CLUAP1: variants seen among roughly 807,000 people sequenced by gnomAD.
CLUAP1 encodes intraflagellar transport 38.
In CLUAP1, 50 loss-of-function variants were observed where a neutral mutation model predicts 55.0. The ratio of observed to expected loss-of-function variants is 0.91; its 90% CI spans 0.72 to 1.15. The LOEUF is 1.15. Among genes scored for constraint, CLUAP1 ranks in the 50% most tolerant of loss-of-function variants. The probability of loss-of-function intolerance (pLI) is 0.00; values close to 1 mark genes in which losing one functional copy is unlikely to be tolerated. For missense variants in CLUAP1, 530 were observed against 507.6 expected (o/e 1.04, Z -0.42); for synonymous variants, 195 against 175.4 (o/e 1.11, Z -0.88).
chr16:3,533,184 T>A, intron 11 of CLUAP1: 1 of 1,528,342 alleles, frequency 6.5e-7, no homozygotes, highest in Non-Finnish European at 8.8e-7. Flanking sequence ...CTCATGTGTT[T>A]GTGGGTGTCT....
At position 3,536,113 on chromosome 16, in the gene CLUAP1, T is replaced by C; in HGVS notation, c.1093-9T>C. 1 of 1,613,256 alleles carries C rather than the reference T, an allele frequency of 6.2e-7. No individual in the cohort carries two copies. The highest frequency in any genetic ancestry group is 8.5e-7 in the Non-Finnish European group (1 of 1,179,450). On this transcript the variant is annotated splice_polypyrimidine_tract_variant and intron_variant, in intron 11 of 11. Coordinates refer to ENST00000576634, the MANE Select transcript of CLUAP1 (RefSeq NM_015041.3). ...ATCCCCCGTTGCATCTGCCATTTTTTTCCTATAGGAGGACTCGGAGGAGAG... is the reference window on the plus strand; with the variant it reads ...ATCCCCCGTTGCATCTGCCATTTTTCTCCTATAGGAGGACTCGGAGGAGAG...
At chr16:3,525,466 C>T (rs1472639296) in intron 8 of CLUAP1, among the ~76,000 whole-genome samples, 5 of 152,108 alleles carry the variant, frequency 3.3e-5, no homozygotes, top group African/African-American at 4.8e-5. Context: ...TACCCCATGC[C>T]GGAAACACAG....
At chr16:3,519,481 G>C (rs760826914) in intron 6 of CLUAP1, among the ~76,000 whole-genome samples, 3 of 152,202 alleles carry the variant, frequency 2.0e-5, no homozygotes, top group Non-Finnish European at 2.9e-5. Flanking sequence ...AGCAGTACTT[G>C]GTGTGTGTGG....
rs2038282678 is a variant in CLUAP1, at chr16:3,538,630, G to C, written c.*2359G>C. 6.6e-6 allele frequency: 1 copy of C among 152,120 alleles called. No individual in the cohort carries two copies. Among genetic ancestry groups the C allele is most frequent in the Non-Finnish European group, 1.5e-5 (1 of 68,040 alleles). The allele number at this position is 152,120 out of a possible 1,614,324, so 9.4% of individuals were successfully genotyped here. On this transcript the variant is annotated 3_prime_UTR_variant, in exon 12 of 12. Coordinates refer to ENST00000576634, the MANE Select transcript of CLUAP1 (RefSeq NM_015041.3). ...ACAAAGAGCCTATCCACAGACATAG[G>C]CAACAGCTCCAAAGGGTATTTCATT...
Position 3,515,601 on chromosome 16 carries a change from C to G in CLUAP1, c.579+10C>G. The G allele has an allele frequency of 6.4e-7, 1 of 1,570,440 alleles. No homozygotes were observed. The highest frequency in any genetic ancestry group is 8.6e-7 in the Non-Finnish European group (1 of 1,160,068). On this transcript the variant is annotated intron_variant, in intron 6 of 11. Coordinates refer to ENST00000576634, the MANE Select transcript of CLUAP1 (RefSeq NM_015041.3). ...AATAAAAGAGATTTTGGTAAGATGA[C>G]TTTGCTTTTATATAATGTTTTTTAT...
At chr16:3,529,953 C>T (rs1473118822) in intron 9 of CLUAP1, among the ~76,000 whole-genome samples, 1 of 123,942 alleles carries the variant, frequency 8.1e-6, no homozygotes, top group African/African-American at 3.1e-5. Flanking sequence ...AATTATATAA[C>T]ATATATAATA....
In CLUAP1 at chr16:3,508,460, G is replaced by A; in HGVS notation, c.391G>A (p.Gly131Ser). The A allele has an allele frequency of 6.4e-7, 1 of 1,571,746 alleles. No homozygotes were observed. Among genetic ancestry groups the A allele is most frequent in the South Asian group, 1.2e-5 (1 of 82,876 alleles). Residue 131 changes from glycine (G) to serine (S), a missense_variant, in exon 4 of 12, where the codon GGC becomes AGC. Coordinates refer to ENST00000576634, the MANE Select transcript of CLUAP1 (RefSeq NM_015041.3). ...EDVNKFKFDL[G>S]SKIADLKAAR... ...TGTCAACAAGTTCAAGTTTGATCTT[G>A]GCTCAAAGGTAAGGACAACAAAAGC...
At chr16:3,526,646 A>G (rs1047148058) in intron 9 of CLUAP1, among the ~76,000 whole-genome samples, 162 bp downstream of exon 9, 61 of 151,778 alleles carry the variant, frequency 4.0e-4, no homozygotes, top group Non-Finnish European at 5.9e-5. Flanking sequence ...TACATCTTCA[A>G]TTTTGAAAAG....
chr16:3,504,819 G>A lies in CLUAP1; in HGVS notation c.122G>A (p.Trp41Ter), dbSNP rs1487080051. ...GGACTTGTATCTGAAGTGCTTCTCT[G>A]GCTTGTGAAAAGGTTCGAACGGCAC... ...NFGLVSEVLL[W>*]LVKRYEPQTD... Residue 41 changes from tryptophan to a stop codon, truncating the protein, a stop_gained, in exon 2 of 12, where the codon TGG becomes TAG. Coordinates refer to ENST00000576634, the MANE Select transcript of CLUAP1 (RefSeq NM_015041.3). LOFTEE classifies it high-confidence loss of function. 4.4e-6 allele frequency: 7 copies of A among 1,603,650 alleles called. No individual in the cohort carries two copies. In the African/African-American group the frequency reaches 8.0e-5, roughly 18 times the overall value.
At chr16:3,523,071 C>G in intron 7 of CLUAP1, 87 bp from the exon 8 acceptor site, 11 of 1,121,542 alleles carry the variant, frequency 9.8e-6, no homozygotes, top group Non-Finnish European at 1.2e-5. Flanking sequence ...CCAGAGAAAG[C>G]CACCATGGAA....
upstream of CLUAP1, among the ~76,000 whole-genome samples, chr16:3,498,140 C>T (rs2037332750): frequency 6.6e-6 from 1 of 151,880 alleles, no homozygotes; most frequent in African/African-American, 2.4e-5. Flanking sequence ...TCCAGAAGTC[C>T]AAGAACCAGG....
chr16:3,518,515 G>A (rs140150329), intron 6 of CLUAP1, among the ~76,000 whole-genome samples: 3 of 152,316 alleles, frequency 2.0e-5, no homozygotes, highest in South Asian at 2.1e-4. Flanking sequence ...GTTTTGCATT[G>A]TGGATCTTTC....
intron 8 of CLUAP1, among the ~76,000 whole-genome samples, chr16:3,525,860 C>T (rs571841623): frequency 1.3e-5 from 2 of 152,312 alleles, no homozygotes; most frequent in East Asian, 3.9e-4. Context: ...AGCCACCACG[C>T]CCAGCCCCCA....
At chr16:3,523,420 T>G (rs1396334668) in intron 8 of CLUAP1, 121 bp downstream of exon 8, 4 of 1,200,294 alleles carry the variant, frequency 3.3e-6, no homozygotes, top group African/African-American at 1.5e-5. Flanking sequence ...TTCTCCCTGG[T>G]CAGTCTGAGG....
rs920231951 is a variant in CLUAP1, at chr16:3,538,424, G to A, written c.*2153G>A. The A allele has an allele frequency of 6.6e-6, 1 of 152,148 alleles. No homozygotes were observed. Among genetic ancestry groups the A allele is most frequent in the African/African-American group, 2.4e-5 (1 of 41,422 alleles). 9.4% of individuals were successfully genotyped at this position (152,148 alleles called of 1,614,324 possible). On this transcript the variant is annotated 3_prime_UTR_variant, in exon 12 of 12. Transcript: ENST00000576634. ...AAGCCAGCGTGTTGGAGCCATGCCAGCCACCTCAGACACCGTGGCTCTAAG... is the reference window on the plus strand; with the variant it reads ...AAGCCAGCGTGTTGGAGCCATGCCAACCACCTCAGACACCGTGGCTCTAAG...
At chr16:3,505,546 C>CAAAAA (rs1230388490) in intron 2 of CLUAP1, among the ~76,000 whole-genome samples, 4 of 59,604 alleles carry the variant, frequency 6.7e-5, no homozygotes, top group Non-Finnish European at 1.2e-4. Context: ...GACTCCGTCT[C>CAAAAA]AAAAAAAAAA....
intron 4 of CLUAP1, 29 bp downstream of exon 4, chr16:3,508,497 C>T (rs768820121): frequency 8.6e-6 from 13 of 1,510,410 alleles, no homozygotes; most frequent in African/African-American, 1.4e-5. Flanking sequence ...TTGTAGTGGG[C>T]GATGGAGCGT....
At chr16:3,511,630 T>G (rs1050742124) in intron 4 of CLUAP1, among the ~76,000 whole-genome samples, 1 of 152,206 alleles carries the variant, frequency 6.6e-6, no homozygotes, top group African/African-American at 2.4e-5. Context: ...GGCACCCTAC[T>G]GTGACAAAGT....
chr16:3,495,482 C>T, the CLUAP1 span: 3 of 1,583,950 alleles, frequency 1.9e-6, no homozygotes, highest in Non-Finnish European at 1.7e-6. Context: ...CCCTGCTCTC[C>T]CCTGCCTAGG....
Sources: allele counts gnomAD v4.1 joint callset (sites outside exome capture counted in the v4.1 genomes callset), GRCh38; gene constraint gnomAD v4.1.1; transcripts MANE v1.5; gene names NCBI Gene and HGNC (gene_info 2026-07-23, HGNC 2026-07-21).